Variants in ITSN1 observed in about 807,000 individuals in gnomAD.
ITSN1 encodes the protein intersectin 1.
Under a neutral mutation model 239.8 loss-of-function variants are expected in ITSN1, and 58 were observed. The ratio of observed to expected loss-of-function variants is 0.24; its 90% confidence interval spans 0.20 to 0.30. The LOEUF (loss-of-function observed/expected upper bound fraction) is 0.30. Among genes scored for constraint, ITSN1 ranks in the 10% least tolerant of loss-of-function variants. ITSN1 has a pLI of 1.00. For missense variants in ITSN1, 1,558 were observed against 2,103.3 expected (o/e 0.74, Z 5.07); for synonymous variants, 780 against 770.8 (o/e 1.01, Z -0.20).
At chr21:33,745,471 T>C (rs2067123881) in intron 5 of ITSN1, among the ~76,000 whole-genome samples, 1 of 152,214 alleles carries the variant, frequency 6.6e-6, no homozygotes, top group East Asian at 1.9e-4. Flanking sequence ...TTCAGTGCTC[T>C]GGAAATTAAC....
intron 1 of ITSN1, among the ~76,000 whole-genome samples, chr21:33,698,857 C>T (rs967261647): frequency 6.6e-6 from 1 of 152,206 alleles, no homozygotes; most frequent in African/African-American, 2.4e-5. Flanking sequence ...GGGACATAGG[C>T]TCTTCCAGTT....
Position 33,797,954 on chromosome 21 carries a change from A to G in ITSN1, c.2182+346A>G, listed in dbSNP as rs1386636067. Among the ~76,000 whole-genome samples, 6 of 152,226 alleles carry G rather than the reference A, an allele frequency of 3.9e-5. No individual in the cohort carries two copies. The East Asian group carries it at 1.2e-3, about 29-fold the overall frequency. The stretch of plus-strand genomic sequence containing the variant: ...CTGGAATTTCTGAGCTGTTTCTGCA[A>G]CAGAAAGTGGCACCTTTCACCCTTG... On this transcript the variant is annotated intron_variant, in intron 18 of 39. Transcript: ENST00000381318. The surrounding 1 kb of genome is among the most constrained non-coding windows in gnomAD (Gnocchi z 4.9).
chr21:33,797,664 CCT>C lies in ITSN1; in HGVS notation c.2182+57_2182+58del, dbSNP rs1422991229. The C allele has an allele frequency of 2.3e-5, 32 of 1,421,344 alleles. No individual in the cohort carries two copies. Among genetic ancestry groups the C allele is most frequent in the African/African-American group, 4.3e-5 (3 of 70,276 alleles). The allele number at this position is 1,421,344 out of a possible 1,614,324, so 88.0% of individuals were successfully genotyped here. ...TAAGTCATCTTCTCTCCCAGAGCCT[CCT>C]GAAAAATGCCCCTATCTCATCAGTA... On this transcript the variant is annotated intron_variant, in intron 18 of 39. Transcript: ENST00000381318. This position sits in a 1 kb window ranked among gnomAD's most constrained non-coding sequence, Gnocchi z 4.9.
chr21:33,766,016 A>G lies in ITSN1; in HGVS notation c.926+4A>G, dbSNP rs2068697129. The G allele has an allele frequency of 1.2e-6, 2 of 1,614,046 alleles. No homozygotes were observed. The highest frequency in any genetic ancestry group is 1.7e-5 in the Admixed American group (1 of 59,998). On this transcript the variant is annotated splice_donor_region_variant and intron_variant, in intron 10 of 39. Coordinates refer to ENST00000381318, the MANE Select transcript of ITSN1 (RefSeq NM_003024.3). Reference sequence around the variant, plus strand: ...AATACATTCCACCTTCTTTTAGGTAAGGAACATGGGCTCTGATCAGGAATT... The same window carrying G: ...AATACATTCCACCTTCTTTTAGGTAGGGAACATGGGCTCTGATCAGGAATT...
intron 7 of ITSN1, among the ~76,000 whole-genome samples, chr21:33,753,025 C>T (rs2067662009): frequency 6.6e-6 from 1 of 152,144 alleles, no homozygotes; most frequent in Non-Finnish European, 1.5e-5. Flanking sequence ...TTTACATTAA[C>T]TCATTCTTCC....
At chr21:33,760,113 A>AG (rs1380263194) in intron 8 of ITSN1, among the ~76,000 whole-genome samples, 8 of 151,750 alleles carry the variant, frequency 5.3e-5, no homozygotes, top group African/African-American at 1.5e-4. Flanking sequence ...ATCTCAAAAA[A>AG]AAAAAAGAAA....
chr21:33,749,314 A>G (rs1476473435), intron 5 of ITSN1, among the ~76,000 whole-genome samples: 1 of 151,882 alleles, frequency 6.6e-6, no homozygotes, highest in Non-Finnish European at 1.5e-5. Context: ...TTGTTTTATC[A>G]TTTCTTCTTT....
chr21:33,679,698 C>CTTTTTTTTTTTT (rs34301203), intron 1 of ITSN1, among the ~76,000 whole-genome samples: 1 of 86,318 alleles, frequency 1.2e-5, no homozygotes, highest in Non-Finnish European at 2.1e-5. Flanking sequence ...GATCCTTATC[C>CTTTTTTTTTTTT]TTTTTTTTTT....
chr21:33,843,357 C>G (rs2074888815), intron 29 of ITSN1, among the ~76,000 whole-genome samples: 1 of 152,130 alleles, frequency 6.6e-6, no homozygotes, highest in Non-Finnish European at 1.5e-5. Context: ...GAGTTTGGAG[C>G]CATTGGTAAG....
intron 22 of ITSN1, among the ~76,000 whole-genome samples, chr21:33,816,457 C>T (rs992570627): frequency 1.3e-5 from 2 of 152,178 alleles, no homozygotes; most frequent in South Asian, 4.1e-4. Context: ...ATCATCTCTA[C>T]TTTACAGATG....
At chr21:33,830,640 A>G (rs561304878) in intron 27 of ITSN1, among the ~76,000 whole-genome samples, 1 of 152,318 alleles carries the variant, frequency 6.6e-6, no homozygotes, top group African/African-American at 2.4e-5. Context: ...GACTCAGTGC[A>G]GTATCTAGAC....
chr21:33,882,166 T>G lies in ITSN1; in HGVS notation c.4342-77T>G, dbSNP rs1602709616. ...TCCGAGTCTGCTGGGGCCTGGCCTCTGATTCTGATGGAGCCCATGCTTTCA... is the reference window on the plus strand; with the variant it reads ...TCCGAGTCTGCTGGGGCCTGGCCTCGGATTCTGATGGAGCCCATGCTTTCA... On this transcript the variant is annotated intron_variant, in intron 34 of 39. Transcript: ENST00000381318. This position sits in a 1 kb window ranked among gnomAD's most constrained non-coding sequence, Gnocchi z 4.5. 5.4e-6 allele frequency: 7 copies of G among 1,304,006 alleles called. No homozygotes were observed. The East Asian group carries it at 1.6e-4, about 31-fold the overall frequency. 80.8% of individuals were successfully genotyped at this position (1,304,006 alleles called of 1,614,324 possible). A position where few individuals can be genotyped will look rare whatever the true frequency, so the allele number is the denominator to read the frequency against.
intron 22 of ITSN1, chr21:33,817,407 G>A: frequency 7.7e-7 from 1 of 1,304,384 alleles, no homozygotes; most frequent in Non-Finnish European, 1.0e-6. Context: ...ATCCTTCAAG[G>A]CCCATCTCAG....
intron 22 of ITSN1, among the ~76,000 whole-genome samples, chr21:33,815,089 C>T (rs114160672): frequency 3.9e-5 from 6 of 152,064 alleles, no homozygotes; most frequent in African/African-American, 1.2e-4. Context: ...TGAAGGTGAA[C>T]GTGGGACCCT....
At chr21:33,674,461 TG>T (rs2146424293) in intron 1 of ITSN1, among the ~76,000 whole-genome samples, 1 of 152,300 alleles carries the variant, frequency 6.6e-6, no homozygotes, top group South Asian at 2.1e-4. Context: ...ATGCTGGTGC[TG>T]TTGGTGTGGG....
intron 1 of ITSN1, among the ~76,000 whole-genome samples, chr21:33,672,305 C>T (rs1271654461): frequency 6.6e-6 from 1 of 151,800 alleles, no homozygotes; most frequent in Non-Finnish European, 1.5e-5. Flanking sequence ...CAGTTTTATT[C>T]TTCATTCTAT....
intron 36 of ITSN1, 40 bp downstream of exon 36, chr21:33,883,711 C>T (rs1158078225): frequency 1.2e-6 from 2 of 1,606,008 alleles, no homozygotes; most frequent in African/African-American, 1.3e-5. Flanking sequence ...CCCAGGGCTC[C>T]ACGGCTCTAG....
At chr21:33,708,589 T>C (rs2092321983) in intron 1 of ITSN1, among the ~76,000 whole-genome samples, 1 of 152,092 alleles carries the variant, frequency 6.6e-6, no homozygotes, top group Non-Finnish European at 1.5e-5. Flanking sequence ...TTTCTCCATG[T>C]TGGTCAGGCT....
chr21:33,676,211 G>C (rs775889055), intron 1 of ITSN1, among the ~76,000 whole-genome samples: 3 of 151,994 alleles, frequency 2.0e-5, no homozygotes, highest in Non-Finnish European at 4.4e-5. Context: ...TCAAACTCCT[G>C]ACCTTAGGTG....
Sources: gnomAD v4.1 joint callset for allele counts (sites outside exome capture counted in the v4.1 genomes callset) on GRCh38, gnomAD v4.1.1 for gene constraint, Gnocchi (gnomAD v3.1) non-coding constraint, MANE v1.5 for transcripts, NCBI Gene and HGNC (gene_info 2026-07-23, HGNC 2026-07-21) for gene names.